Variants in AP3S1 observed in about 807,000 individuals in gnomAD.
AP3S1 encodes the protein AP-3 complex subunit sigma-1.
AP3S1 carries 12 observed loss-of-function variants against 21.3 expected under a neutral mutation model. That is an observed-to-expected ratio of 0.56 (90% CI 0.36 to 0.91). The LOEUF is 0.91. Ranked by LOEUF, AP3S1 falls within the 40% of genes least tolerant of loss-of-function variation. The probability of loss-of-function intolerance (pLI) is 0.01; values close to 1 mark genes in which losing one functional copy is unlikely to be tolerated. For synonymous variants in AP3S1, 48 were observed against 78.4 expected, an observed-to-expected ratio of 0.61 and a Z score of 2.05; for missense variants, 116 against 225.0, an observed-to-expected ratio of 0.52 and a Z score of 3.10.
intron 1 of AP3S1, among the ~76,000 whole-genome samples, chr5:115,850,812 C>T (rs1461470089): frequency 6.6e-6 from 1 of 152,132 alleles, no homozygotes; most frequent in African/African-American, 2.4e-5. Context: ...AAAATGAGAA[C>T]AGTTGCCTGG....
intron 3 of AP3S1, among the ~76,000 whole-genome samples, chr5:115,872,131 C>T (rs1452886510): frequency 2.6e-5 from 4 of 151,934 alleles, no homozygotes; most frequent in Non-Finnish European, 4.4e-5. Flanking sequence ...CTGGGCAACC[C>T]CATCTCTACA....
chr5:115,874,143 G>A (rs1267668528), intron 3 of AP3S1, among the ~76,000 whole-genome samples: 1 of 152,050 alleles, frequency 6.6e-6, no homozygotes, highest in East Asian at 1.9e-4. Flanking sequence ...CGAATGATCA[G>A]TTTTTGTTTT....
intron 3 of AP3S1, among the ~76,000 whole-genome samples, chr5:115,879,380 G>A (rs1026630403): frequency 2.0e-5 from 3 of 152,004 alleles, no homozygotes; most frequent in Non-Finnish European, 2.9e-5. Context: ...CCATCTATAC[G>A]TAGTTTACTG....
At chr5:115,911,366 CAAT>C (rs892254104) in intron 5 of AP3S1, among the ~76,000 whole-genome samples, 1 of 151,868 alleles carries the variant, frequency 6.6e-6, no homozygotes, top group African/African-American at 2.4e-5. Flanking sequence ...ATTTCTCTCA[CAAT>C]AATAAAATCC....
intron 3 of AP3S1, among the ~76,000 whole-genome samples, chr5:115,875,543 C>T (rs1302073577): frequency 1.3e-5 from 2 of 152,088 alleles, no homozygotes; most frequent in Non-Finnish European, 2.9e-5. Context: ...ACCGACTGTC[C>T]AGCACTTGGA....
chr5:115,860,409 A>G (rs1006632305), intron 1 of AP3S1, among the ~76,000 whole-genome samples: 2 of 152,202 alleles, frequency 1.3e-5, no homozygotes, highest in Non-Finnish European at 2.9e-5. Flanking sequence ...TCTGGCTACC[A>G]CAGTACCCCT....
At chr5:115,855,985 G>GT (rs1033973748) in intron 1 of AP3S1, among the ~76,000 whole-genome samples, 2 of 151,818 alleles carry the variant, frequency 1.3e-5, no homozygotes, top group South Asian at 4.2e-4. Flanking sequence ...GTGGGTTTCT[G>GT]TTTTTTTTAA....
chr5:115,893,173 C>G (rs1750463900), intron 3 of AP3S1, among the ~76,000 whole-genome samples: 1 of 152,136 alleles, frequency 6.6e-6, no homozygotes, highest in Non-Finnish European at 1.5e-5. Flanking sequence ...AATAACACCA[C>G]AGTAACTCCC....
At chr5:115,910,568 G>A (rs1752020917) in intron 5 of AP3S1, among the ~76,000 whole-genome samples, 1 of 151,738 alleles carries the variant, frequency 6.6e-6, no homozygotes. Context: ...TCAGCAAACT[G>A]ATTGCCTAAT....
chr5:115,904,123 C>A (rs957521718), intron 5 of AP3S1: 2 of 151,958 alleles, frequency 1.3e-5, no homozygotes, highest in African/African-American at 4.8e-5. Flanking sequence ...CATTCACCAC[C>A]CAACTTGTTT....
chr5:115,849,059 A>G (rs1762257623), intron 1 of AP3S1, among the ~76,000 whole-genome samples: 1 of 152,134 alleles, frequency 6.6e-6, no homozygotes, highest in African/African-American at 2.4e-5. Context: ...TCTCTCCATT[A>G]CACTCTTTCT....
rs1456718057 is a variant in AP3S1, at chr5:115,884,409, C to G, written c.274-10678C>G. On this transcript the variant is annotated intron_variant, in intron 3 of 5. Transcript: ENST00000316788. ...TGAAACCCCGTCTCTACTAAAGATACAAAAAATTAGCCGGGCATGGTGGTG... is the reference window on the plus strand; with the variant it reads ...TGAAACCCCGTCTCTACTAAAGATAGAAAAAATTAGCCGGGCATGGTGGTG... 3.3e-5 allele frequency among the ~76,000 whole-genome samples: 5 copies of G among 152,186 alleles called. No individual in the cohort carries two copies. In the East Asian group the frequency reaches 7.7e-4, roughly 24 times the overall value.
At chr5:115,872,518 A>G (rs1050680156) in intron 3 of AP3S1, among the ~76,000 whole-genome samples, 1 of 152,148 alleles carries the variant, frequency 6.6e-6, no homozygotes, top group Non-Finnish European at 1.5e-5. Context: ...AAACATGTAT[A>G]TATTATGAGG....
intron 1 of AP3S1, among the ~76,000 whole-genome samples, chr5:115,866,018 G>A (rs1763584425): frequency 6.6e-6 from 1 of 152,052 alleles, no homozygotes; most frequent in Non-Finnish European, 1.5e-5. Flanking sequence ...GGATGGTCTC[G>A]ATCTCCTGAC....
At chr5:115,905,161 A>G (rs1343956315) in intron 5 of AP3S1, among the ~76,000 whole-genome samples, 1 of 152,228 alleles carries the variant, frequency 6.6e-6, no homozygotes, top group East Asian at 1.9e-4. Flanking sequence ...TTAATGTGCT[A>G]TATTGACAAA....
At chr5:115,862,936 C>T (rs563572158) in intron 1 of AP3S1, among the ~76,000 whole-genome samples, 15 of 152,224 alleles carry the variant, frequency 9.9e-5, no homozygotes, top group African/African-American at 3.6e-4. Flanking sequence ...GCCCAGTATT[C>T]AATGAATCCA....
intron 1 of AP3S1, among the ~76,000 whole-genome samples, chr5:115,860,991 G>A (rs1005057179): frequency 3.9e-5 from 6 of 152,014 alleles, no homozygotes; most frequent in Admixed American, 1.3e-4. Context: ...TATTCAATAC[G>A]CTTTTATTGG....
rs139219065 is a variant in AP3S1, at chr5:115,901,277, T to C, written c.346-1608T>C. On this transcript the variant is annotated intron_variant, in intron 4 of 5. Coordinates refer to ENST00000316788, the MANE Select transcript of AP3S1 (RefSeq NM_001284.4). ...CAAGTTTTCTAGGATACCTAAGATATAGCTAGCTGAGTAGCTTTGGATAAA... is the reference window on the plus strand; with the variant it reads ...CAAGTTTTCTAGGATACCTAAGATACAGCTAGCTGAGTAGCTTTGGATAAA... Among the ~76,000 whole-genome samples the C allele has an allele frequency of 7.9e-4, 120 of 152,228 alleles. 1 individual carries two copies. The highest frequency in any genetic ancestry group is 2.7e-3 in the African/African-American group (113 of 41,556).
chr5:115,843,603 C>G (rs947749269), intron 1 of AP3S1, among the ~76,000 whole-genome samples: 2 of 152,142 alleles, frequency 1.3e-5, no homozygotes, highest in African/African-American at 4.8e-5. Context: ...TTGAAGGAGT[C>G]TTTGTCATAA....
Sources: gnomAD v4.1 joint callset for allele counts (sites outside exome capture counted in the v4.1 genomes callset) on GRCh38, gnomAD v4.1.1 for gene constraint, MANE v1.5 for transcripts, NCBI Gene and HGNC (gene_info 2026-07-23, HGNC 2026-07-21) for gene names.